The following NR6A1 variants were observed in gnomAD, a reference collection of about 807,000 sequenced individuals.
The protein encoded by NR6A1 is nuclear receptor subfamily 6 group A member 1.
In NR6A1, 7 loss-of-function variants were observed where a neutral mutation model predicts 59.1. That is an observed-to-expected ratio of 0.12 (90% CI 0.07 to 0.22). The LOEUF is 0.22. NR6A1 is among the 10% of genes least tolerant of loss of function. The pLI is 1.00. For missense variants in NR6A1, 468 were observed against 611.6 expected, an observed-to-expected ratio of 0.77 and a Z score of 2.48; for synonymous variants, 243 against 236.1, an observed-to-expected ratio of 1.03 and a Z score of -0.27.
At chr9:124,593,898 A>C (rs566733943) in intron 2 of NR6A1, among the ~76,000 whole-genome samples, 1 of 152,196 alleles carries the variant, frequency 6.6e-6, no homozygotes, top group Non-Finnish European at 1.5e-5. Context: ...TTAAGAAATA[A>C]GACTTCCTGC....
chr9:124,548,693 G>A (rs1833680613), intron 3 of NR6A1, among the ~76,000 whole-genome samples: 1 of 152,160 alleles, frequency 6.6e-6, no homozygotes, highest in Non-Finnish European at 1.5e-5. Flanking sequence ...GATGCCACAG[G>A]ATCACTGCCT....
rs751572526 is a variant in NR6A1, at chr9:124,535,858, C to T, written c.1079+20G>A. On this transcript the variant is annotated intron_variant, in intron 7 of 9. Transcript: ENST00000487099. Reference sequence around the variant, plus strand: ...ATTGTTTGGTTGTTTGGTATTTCCTCCCCAGCCAGGAGGCCTCACCTGTGT... The same window carrying T: ...ATTGTTTGGTTGTTTGGTATTTCCTTCCCAGCCAGGAGGCCTCACCTGTGT... 6.2e-7 allele frequency: 1 copy of T among 1,612,730 alleles called. No individual in the cohort carries two copies. The highest frequency in any genetic ancestry group is 8.5e-7 in the Non-Finnish European group (1 of 1,179,088).
chr9:124,624,744 G>C (rs1412936733), intron 2 of NR6A1, among the ~76,000 whole-genome samples: 2 of 152,172 alleles, frequency 1.3e-5, no homozygotes, highest in African/African-American at 4.8e-5. Flanking sequence ...GCCATTGGTG[G>C]AGGCTCTGCA....
At position 124,771,265 on chromosome 9, in the gene NR6A1, G is replaced by GGCTCCGCGCCGCTCCGCGCC; in HGVS notation, c.-166_-147dup. Reference sequence around the variant, plus strand: ...GCTCTCTCTGGGCCCCGAGCCGCCCGGCTCCGCGCCGCTCCGCGCCCCTCC... The same window carrying GGCTCCGCGCCGCTCCGCGCC: ...GCTCTCTCTGGGCCCCGAGCCGCCCGGCTCCGCGCCGCTCCGCGCCGCTCCGCGCCGCTCCGCGCCCCTCC... On this transcript the variant is annotated 5_prime_UTR_variant, in exon 1 of 10. Coordinates refer to ENST00000487099, the MANE Select transcript of NR6A1 (RefSeq NM_033334.4). 2.4e-6 allele frequency: 1 copy of GGCTCCGCGCCGCTCCGCGCC among 419,456 alleles called. No individual in the cohort carries two copies. The highest frequency in any genetic ancestry group is 4.0e-6 in the Non-Finnish European group (1 of 246,972). The allele number at this position is 419,456 out of a possible 1,614,324, so 26.0% of individuals were successfully genotyped here.
chr9:124,539,339 A>G (rs997609001), intron 5 of NR6A1, among the ~76,000 whole-genome samples: 3 of 152,238 alleles, frequency 2.0e-5, no homozygotes, highest in Non-Finnish European at 4.4e-5. Context: ...ACTGGTTCAC[A>G]TAATGTCCAT....
intron 2 of NR6A1, among the ~76,000 whole-genome samples, chr9:124,689,943 G>A (rs888508848): frequency 1.3e-5 from 2 of 152,142 alleles, no homozygotes; most frequent in South Asian, 2.1e-4. Flanking sequence ...GCTCCAGGAT[G>A]GCAAGGGTTT....
chr9:124,528,269 A>G (rs755714804), intron 7 of NR6A1, among the ~76,000 whole-genome samples: 2 of 152,204 alleles, frequency 1.3e-5, no homozygotes, highest in Non-Finnish European at 2.9e-5. Flanking sequence ...GCCCTTTTTA[A>G]GTACCAAGGG....
rs571992112 is a variant in NR6A1 at position 124,596,357 on chromosome 9, C to T, written c.143-41787G>A. 5.9e-4 allele frequency among the ~76,000 whole-genome samples: 90 copies of T among 152,102 alleles called. 1 individual carries two copies. In the South Asian group the frequency reaches 0.018, roughly 31 times the overall value. On this transcript the variant is annotated intron_variant, in intron 2 of 9. Transcript: ENST00000487099. The stretch of plus-strand genomic sequence containing the variant: ...TGGGATTCCCTGTTTTCTGTCATTA[C>T]AATAAACAATGACAAGGCAAATTCC...
chr9:124,598,291 T>C (rs1427048728), intron 2 of NR6A1, among the ~76,000 whole-genome samples: 1 of 151,590 alleles, frequency 6.6e-6, no homozygotes, highest in African/African-American at 2.4e-5. Flanking sequence ...GCGCTATGAT[T>C]GTGGCCTCTG....
intron 2 of NR6A1, among the ~76,000 whole-genome samples, chr9:124,711,110 C>T (rs1007027351): frequency 5.4e-5 from 8 of 148,224 alleles, no homozygotes; most frequent in Admixed American, 4.8e-4. Flanking sequence ...TAGTCCACTG[C>T]CAATGAATAA....
chr9:124,622,564 TAAATA>T (rs1027827081), intron 2 of NR6A1, among the ~76,000 whole-genome samples: 3 of 152,230 alleles, frequency 2.0e-5, no homozygotes, highest in Non-Finnish European at 4.4e-5. Context: ...AAATAGCTGT[TAAATA>T]AAATAAAAGT....
intron 2 of NR6A1, among the ~76,000 whole-genome samples, chr9:124,660,008 G>A (rs932570801): frequency 6.6e-6 from 1 of 151,986 alleles, no homozygotes; most frequent in Non-Finnish European, 1.5e-5. Flanking sequence ...GAATGCACTT[G>A]GGGGAAAAAA....
At chr9:124,680,019 G>A (rs1838089307) in intron 2 of NR6A1, among the ~76,000 whole-genome samples, 2 of 151,710 alleles carry the variant, frequency 1.3e-5, no homozygotes, top group African/African-American at 4.8e-5. Flanking sequence ...TATCTCAAAA[G>A]GAAATTATGA....
chr9:124,524,877 T>A lies in NR6A1; in HGVS notation c.1202-4A>T. On this transcript the variant is annotated splice_region_variant and splice_polypyrimidine_tract_variant and intron_variant, in intron 8 of 9. Coordinates refer to ENST00000487099, the MANE Select transcript of NR6A1 (RefSeq NM_033334.4). Reference sequence around the variant, plus strand: ...GCACTGGTCAGACCCCTGATATCTGTGGAAAAAAAAAAAACACACACACAC... The same window carrying A: ...GCACTGGTCAGACCCCTGATATCTGAGGAAAAAAAAAAAACACACACACAC... The A allele has an allele frequency of 6.3e-7, 1 of 1,580,142 alleles. No homozygotes were observed.
At chr9:124,653,098 G>A (rs1377128964) in intron 2 of NR6A1, among the ~76,000 whole-genome samples, 1 of 151,950 alleles carries the variant, frequency 6.6e-6, no homozygotes, top group African/African-American at 2.4e-5. Flanking sequence ...CATAGTACGA[G>A]CAAGAACTTT....
At chr9:124,603,232 G>A (rs1006689677) in intron 2 of NR6A1, among the ~76,000 whole-genome samples, 3 of 152,166 alleles carry the variant, frequency 2.0e-5, no homozygotes, top group African/African-American at 7.2e-5. Context: ...GCTGTCTTCA[G>A]TTTAGTATTT....
chr9:124,696,398 T>C (rs998566570), intron 2 of NR6A1, among the ~76,000 whole-genome samples: 1 of 152,206 alleles, frequency 6.6e-6, no homozygotes, highest in Non-Finnish European at 1.5e-5. Context: ...AAAAGCCTAC[T>C]GGCTGACCCC....
At chr9:124,644,401 G>A (rs1056898751) in intron 2 of NR6A1, among the ~76,000 whole-genome samples, 4 of 148,978 alleles carry the variant, frequency 2.7e-5, no homozygotes, top group African/African-American at 5.0e-5. Flanking sequence ...ACAGGCATGC[G>A]CCACTACCCC....
At chr9:124,598,957 C>A in intron 2 of NR6A1, 1 of 713,094 alleles carries the variant, frequency 1.4e-6, no homozygotes, top group South Asian at 1.4e-5. Context: ...GGTCATTACC[C>A]ACGTTGGGTT....
Sources: gnomAD v4.1 joint callset for allele counts (sites outside exome capture counted in the v4.1 genomes callset) on GRCh38, gnomAD v4.1.1 for gene constraint, MANE v1.5 for transcripts, NCBI Gene and HGNC (gene_info 2026-07-23, HGNC 2026-07-21) for gene names.